Variants in HMCN1 observed in about 807,000 individuals in gnomAD.
HMCN1 encodes hemicentin-1.
In HMCN1, 321 loss-of-function variants were observed where a neutral mutation model predicts 625.9. That is an observed-to-expected ratio of 0.51 (90% CI 0.47 to 0.56). The LOEUF (loss-of-function observed/expected upper bound fraction) is 0.56. HMCN1 is among the 20% of genes least tolerant of loss of function. HMCN1 has a pLI of 0.00. For synonymous variants in HMCN1, 2,425 were observed against 2,417.6 expected, an observed-to-expected ratio of 1.00 and a Z score of -0.09; for missense variants, 6,588 against 6,887.3, an observed-to-expected ratio of 0.96 and a Z score of 1.54.
chr1:185,917,720 G>A lies in HMCN1; in HGVS notation c.901-4659G>A, dbSNP rs554254873. 2.0e-4 allele frequency among the ~76,000 whole-genome samples: 30 copies of A among 152,256 alleles called. No individual in the cohort carries two copies. In the East Asian group the frequency reaches 5.8e-3, roughly 29 times the overall value. ...ATATGAAATAGTTACTGCCTTGAAG[G>A]GACTTTCAATGTAGGCAGGCATTTA... On this transcript the variant is annotated intron_variant, in intron 6 of 106. Transcript: ENST00000271588.
At chr1:186,115,444 A>G (rs770047699) in intron 75 of HMCN1, 30 bp downstream of exon 75, 1 of 1,581,884 alleles carries the variant, frequency 6.3e-7, no homozygotes, top group Non-Finnish European at 8.7e-7. Context: ...CCTACCAACT[A>G]TTTACAAACA....
intron 50 of HMCN1, 105 bp downstream of exon 50, chr1:186,068,112 T>C: frequency 5.4e-6 from 6 of 1,110,496 alleles, no homozygotes; most frequent in Non-Finnish European, 8.2e-6. Flanking sequence ...GTTTTGTTGG[T>C]TGTGTTATGT....
At chr1:185,899,267 GT>G (rs1430938133) in intron 4 of HMCN1, among the ~76,000 whole-genome samples, 9 of 152,084 alleles carry the variant, frequency 5.9e-5, no homozygotes, top group Non-Finnish European at 1.3e-4. Flanking sequence ...GAAGTTGAAA[GT>G]TTTGAAGGTT....
intron 82 of HMCN1, among the ~76,000 whole-genome samples, chr1:186,126,070 T>A (rs568646052): frequency 1.3e-4 from 20 of 152,262 alleles, no homozygotes; most frequent in Middle Eastern, 3.4e-3. Flanking sequence ...CAGTGCTATA[T>A]TCTGTGCTCT....
chr1:186,127,024 T>C (rs1203261246), intron 82 of HMCN1, among the ~76,000 whole-genome samples: 1 of 152,094 alleles, frequency 6.6e-6, no homozygotes, highest in East Asian at 1.9e-4. Context: ...ACTCTGCATA[T>C]ACTTTGAAGC....
rs765073432 is a variant in HMCN1, at chr1:185,846,096, G to T, written c.339G>T (p.Gln113His). 1.1e-5 allele frequency: 18 copies of T among 1,605,690 alleles called. No individual in the cohort carries two copies. The East Asian group carries it at 4.0e-4, about 36-fold the overall frequency. ...ATGAACTCAGAGAACTGTATGTTCA[G>T]GTGAGTGCTTGCTTTCAGTGTTCTC... ...FQYELRELYVQGGGDCPEMSI... is the reference protein window; with the variant it reads ...FQYELRELYVHGGGDCPEMSI... Residue 113 changes from glutamine to histidine, a missense_variant and splice_region_variant, in exon 2 of 107, where the codon CAG (glutamine) becomes CAT (histidine). Around this residue, in one of 3 missense-constraint regions of HMCN1, gnomAD observed 4,628 missense variants for 4,853.1 expected, o/e 0.95. Transcript: ENST00000271588.
At chr1:186,098,598 A>G (rs776429215) in intron 68 of HMCN1, among the ~76,000 whole-genome samples, 18 of 152,124 alleles carry the variant, frequency 1.2e-4, no homozygotes, top group Non-Finnish European at 2.1e-4. Flanking sequence ...GTGGGATTGT[A>G]AGTTAATATA....
intron 11 of HMCN1, among the ~76,000 whole-genome samples, chr1:185,943,069 G>A (rs1040488268): frequency 2.0e-5 from 3 of 152,126 alleles, no homozygotes; most frequent in Non-Finnish European, 4.4e-5. Flanking sequence ...AGCAGCCAGA[G>A]GAAGAGATAC....
chr1:186,168,645 G>C (rs554959610), intron 100 of HMCN1, among the ~76,000 whole-genome samples: 1 of 152,092 alleles, frequency 6.6e-6, no homozygotes, highest in Non-Finnish European at 1.5e-5. Context: ...TTGGAATATA[G>C]CAAGACAGAA....
At position 186,145,556 on chromosome 1, in the gene HMCN1, A is replaced by T. The variant is rs142044852; in HGVS notation, c.14420A>T (p.Asn4807Ile). Residue 4807 changes from asparagine to isoleucine, a missense_variant, in exon 92 of 107, where the codon AAC becomes ATC. By Grantham distance (149) the Asn-to-Ile change is moderately radical. Transcript: ENST00000271588. ...GGPDSQIQRC[N>I]TDMCPVDGSW... is the part of the protein sequence containing the mutation. ...CCAGACTCCCAGATCCAGAGGTGCA[A>T]CACTGACATGTGTCCTGGTGAGCCT... 24 of 1,613,978 alleles carry T rather than the reference A, an allele frequency of 1.5e-5. No homozygotes were observed. In the African/African-American group the frequency reaches 2.0e-4, roughly 13 times the overall value.
At chr1:186,043,689 AT>A (rs1338156700) in intron 40 of HMCN1, among the ~76,000 whole-genome samples, 7 of 152,134 alleles carry the variant, frequency 4.6e-5, no homozygotes, top group African/African-American at 1.7e-4. Flanking sequence ...ACCTAAAATT[AT>A]TTCCAAGCTG....
intron 103 of HMCN1, among the ~76,000 whole-genome samples, chr1:186,175,175 G>T (rs1423247184): frequency 3.9e-5 from 6 of 152,042 alleles, no homozygotes; most frequent in Non-Finnish European, 7.4e-5. Context: ...TTTCATCTTA[G>T]TTATATTTGA....
At chr1:185,841,278 C>CA (rs995414894) in intron 1 of HMCN1, among the ~76,000 whole-genome samples, 2 of 151,872 alleles carry the variant, frequency 1.3e-5, no homozygotes, top group East Asian at 1.9e-4. Flanking sequence ...TTCTGAAGCA[C>CA]AAAAAAATTG....
chr1:185,959,776 AT>A (rs149945450), intron 11 of HMCN1, among the ~76,000 whole-genome samples: 2,732 of 151,312 alleles, frequency 0.018, 69 homozygotes, highest in African/African-American at 0.061. Flanking sequence ...CATTAGTACT[AT>A]TTTTTTTTCC....
intron 1 of HMCN1, among the ~76,000 whole-genome samples, chr1:185,825,948 T>A (rs1355740937): frequency 6.6e-6 from 1 of 152,200 alleles, no homozygotes; most frequent in East Asian, 1.9e-4. Context: ...CAGGGATTAT[T>A]TTGTTTCTAT....
At chr1:185,942,344 A>G (rs1668125470) in intron 11 of HMCN1, among the ~76,000 whole-genome samples, 1 of 152,210 alleles carries the variant, frequency 6.6e-6, no homozygotes, top group Non-Finnish European at 1.5e-5. Context: ...GTATTCAGCC[A>G]AGTCTGATGG....
chr1:186,123,016 T>A lies in HMCN1; in HGVS notation c.12295T>A (p.Ser4099Thr), dbSNP rs1300414648. ...TGCTGTGGACAAGCCCATCACGTTA[T>A]CCTGTGAAGCAGATGGCCTCCCTCC... Reference protein sequence around the residue: ...VIAVDKPITLSCEADGLPPPD... With the variant: ...VIAVDKPITLTCEADGLPPPD... Residue 4099 changes from serine to threonine, a missense_variant, in exon 81 of 107, where the codon TCC becomes ACC. Ser to Thr is a moderately conservative substitution (Grantham distance 58). Around this residue, in one of 3 missense-constraint regions of HMCN1, gnomAD observed 1,954 missense variants for 2,013.1 expected, o/e 0.97. Transcript: ENST00000271588. The A allele has an allele frequency of 6.2e-7, 1 of 1,614,148 alleles. No individual in the cohort carries two copies. Among genetic ancestry groups the A allele is most frequent in the South Asian group, 1.1e-5 (1 of 91,080 alleles).
chr1:186,045,595 A>G, intron 40 of HMCN1, 93 bp from the exon 41 acceptor site: 1 of 954,714 alleles, frequency 1.0e-6, no homozygotes, highest in African/African-American at 1.6e-5. Context: ...TAAAAGAACC[A>G]ATAAAGGTAT....
chr1:186,152,517 G>A (rs764665458), intron 95 of HMCN1, among the ~76,000 whole-genome samples: 11 of 152,144 alleles, frequency 7.2e-5, no homozygotes, highest in Non-Finnish European at 7.4e-5. Flanking sequence ...TATGAAATTC[G>A]TGTAACCGTT....
Sources: gnomAD v4.1 joint callset for allele counts (sites outside exome capture counted in the v4.1 genomes callset) on GRCh38, gnomAD v4.1.1 for gene constraint, gnomAD v4.1.1 regional missense constraint, MANE v1.5 for transcripts, NCBI Gene and HGNC (gene_info 2026-07-23, HGNC 2026-07-21) for gene names.